ACBD3: variants seen among roughly 807,000 people sequenced by gnomAD.
ACBD3 encodes the protein acyl-CoA binding domain containing 3.
ACBD3 carries 30 observed loss-of-function variants against 66.9 expected under a neutral mutation model. That is an observed-to-expected ratio of 0.45 (90% CI 0.34 to 0.61). ACBD3 has a LOEUF of 0.61. Ranked by LOEUF, ACBD3 falls within the 20% of genes least tolerant of loss-of-function variation. ACBD3 has a pLI of 0.02. For synonymous variants in ACBD3, 278 were observed against 259.8 expected, an observed-to-expected ratio of 1.07 and a Z score of -0.68; for missense variants, 544 against 664.5, an observed-to-expected ratio of 0.82 and a Z score of 1.99.
chr1:226,186,457 C>T lies in ACBD3; in HGVS notation c.219G>A (p.Arg73=). 1 of 1,505,566 alleles carries T rather than the reference C, an allele frequency of 6.6e-7. No individual in the cohort carries two copies. The highest frequency in any genetic ancestry group is 8.9e-7 in the Non-Finnish European group (1 of 1,129,890). The allele number at this position is 1,505,566 out of a possible 1,614,324, so 93.3% of individuals were successfully genotyped here. The change falls in exon 1 of 8, where the codon CGG becomes CGA. Residue 73 remains arginine (R), a synonymous_variant. Coordinates refer to ENST00000366812, the MANE Select transcript of ACBD3 (RefSeq NM_022735.4). ...AAAGGAAEEA[R]RLEQRWGFGL... is the part of the protein sequence containing the mutation. ...CGAAACCCCAGCGCTGCTCCAGCCG[C>T]CGCGCCTCCTCCGCCGCGCCCCCAG... is the stretch of plus-strand genomic sequence containing the variant.
chr1:226,158,401 T>G (rs1452636874), intron 5 of ACBD3, among the ~76,000 whole-genome samples: 1 of 152,202 alleles, frequency 6.6e-6, no homozygotes, highest in Non-Finnish European at 1.5e-5. Flanking sequence ...AATGTAAAAT[T>G]AGTGTCTTCT....
chr1:226,159,162 A>G, intron 5 of ACBD3, 22 bp downstream of exon 5: 1 of 1,612,462 alleles, frequency 6.2e-7, no homozygotes, highest in Non-Finnish European at 8.5e-7. Context: ...CTAAGGCTGA[A>G]TTCTAGGGTT....
intron 1 of ACBD3, among the ~76,000 whole-genome samples, chr1:226,185,345 T>C (rs1350577825): frequency 6.6e-6 from 1 of 152,230 alleles, no homozygotes; most frequent in Non-Finnish European, 1.5e-5. Context: ...CTTCCGTGTG[T>C]ATCATTACAT....
chr1:226,179,711 A>T (rs897913400), intron 1 of ACBD3, among the ~76,000 whole-genome samples: 6 of 152,050 alleles, frequency 3.9e-5, no homozygotes, highest in African/African-American at 1.4e-4. Flanking sequence ...TACAAAAATT[A>T]GCCGGGTGTG....
At chr1:226,182,101 C>T (rs1050601475) in intron 1 of ACBD3, among the ~76,000 whole-genome samples, 1 of 151,932 alleles carries the variant, frequency 6.6e-6, no homozygotes, top group Non-Finnish European at 1.5e-5. Flanking sequence ...CATGGTGGCT[C>T]GTGCCTGTGG....
chr1:226,173,074 T>C (rs1039568205), intron 1 of ACBD3, among the ~76,000 whole-genome samples: 1 of 152,142 alleles, frequency 6.6e-6, no homozygotes, highest in Non-Finnish European at 1.5e-5. Context: ...GAGACCAGCC[T>C]GCGAAACAAA....
chr1:226,170,151 C>CAT (rs1553268580), intron 1 of ACBD3, among the ~76,000 whole-genome samples: 6 of 136,774 alleles, frequency 4.4e-5, no homozygotes, highest in East Asian at 2.1e-4. Flanking sequence ...TTTTCCTTTC[C>CAT]TTTTTTTTTT....
At chr1:226,153,965 C>A (rs1443098244) in intron 6 of ACBD3, among the ~76,000 whole-genome samples, 2 of 152,162 alleles carry the variant, frequency 1.3e-5, no homozygotes, top group African/African-American at 4.8e-5. Context: ...TGAGGACCCT[C>A]AAGAAGCCCT....
chr1:226,167,773 C>G (rs1659902738), intron 1 of ACBD3, among the ~76,000 whole-genome samples: 1 of 152,020 alleles, frequency 6.6e-6, no homozygotes, highest in Non-Finnish European at 1.5e-5. Flanking sequence ...TAAAGAACAG[C>G]AGGAAACTCA....
chr1:226,172,975 A>C (rs1232549837), intron 1 of ACBD3, among the ~76,000 whole-genome samples: 1 of 151,920 alleles, frequency 6.6e-6, no homozygotes, highest in Admixed American at 6.6e-5. Context: ...CAAACAAACA[A>C]ACAAACCCAG....
chr1:226,167,244 C>A (rs1417549825), intron 1 of ACBD3, among the ~76,000 whole-genome samples: 1 of 152,098 alleles, frequency 6.6e-6, no homozygotes, highest in African/African-American at 2.4e-5. Flanking sequence ...AAAATGTATC[C>A]ATCCCACTAA....
rs1656280636 is a variant in ACBD3 at position 226,185,618 on chromosome 1, AT to A, written c.286+771del. 2.1e-5 allele frequency among the ~76,000 whole-genome samples: 3 copies of A among 144,252 alleles called. No homozygotes were observed. The South Asian group carries it at 7.4e-4, about 36-fold the overall frequency. The allele number at this position is 144,252 out of a possible 152,430, so 94.6% of individuals were successfully genotyped here. A position where few individuals can be genotyped will look rare whatever the true frequency, so the allele number is the denominator to read the frequency against. ...ACCATTCGACTAAGTGAATCACCCA[AT>A]TAAAAAAAAAAAAAACCGCACACTA... On this transcript the variant is annotated intron_variant, in intron 1 of 7. Transcript: ENST00000366812.
intron 5 of ACBD3, among the ~76,000 whole-genome samples, chr1:226,157,117 A>C (rs2102778128): frequency 6.6e-6 from 1 of 152,286 alleles, no homozygotes; most frequent in African/African-American, 2.4e-5. Context: ...CTATTTATAT[A>C]AAAATTAATA....
chr1:226,165,028 T>C, intron 2 of ACBD3, 99 bp from the exon 3 acceptor site: 1 of 1,288,432 alleles, frequency 7.8e-7, no homozygotes. Flanking sequence ...GTAAGTAAAA[T>C]GAATGATTCT....
At chr1:226,176,243 T>C (rs904337383) in intron 1 of ACBD3, among the ~76,000 whole-genome samples, 1 of 151,964 alleles carries the variant, frequency 6.6e-6, no homozygotes, top group African/African-American at 2.4e-5. Flanking sequence ...CTGGCCAACA[T>C]GGTGAAGCCC....
chr1:226,183,691 C>G (rs924855907), intron 1 of ACBD3, among the ~76,000 whole-genome samples: 2 of 151,612 alleles, frequency 1.3e-5, no homozygotes, highest in Non-Finnish European at 2.9e-5. Flanking sequence ...GTCGGCAGTT[C>G]GAGACCAGCA....
chr1:226,164,787 A>T lies in ACBD3; in HGVS notation c.569+2T>A. On this transcript the variant is annotated splice_donor_variant, in intron 3 of 7. Transcript: ENST00000366812. LOFTEE classifies it high-confidence loss of function. ...AAAGTATTCCATGCCCTCAAACTTC[A>T]CCTTTTTTTTTCTTGCTCTTCCTTC... 1 of 1,607,906 alleles carries T rather than the reference A, an allele frequency of 6.2e-7. No homozygotes were observed.
chr1:226,168,605 C>T (rs940420716), intron 1 of ACBD3, among the ~76,000 whole-genome samples: 1 of 152,148 alleles, frequency 6.6e-6, no homozygotes, highest in African/African-American at 2.4e-5. Context: ...TATAATGGAG[C>T]TGAAATTTTC....
At chr1:226,174,491 G>A (rs1655973221) in intron 1 of ACBD3, among the ~76,000 whole-genome samples, 1 of 152,240 alleles carries the variant, frequency 6.6e-6, no homozygotes, top group Non-Finnish European at 1.5e-5. Flanking sequence ...AAAGCCAGGT[G>A]TGGTGGCTCA....
Sources: gnomAD v4.1 joint callset for allele counts (sites outside exome capture counted in the v4.1 genomes callset) on GRCh38, gnomAD v4.1.1 for gene constraint, MANE v1.5 for transcripts, NCBI Gene and HGNC (gene_info 2026-07-23, HGNC 2026-07-21) for gene names.